Variants in OCIAD1 observed in about 807,000 individuals in gnomAD.
OCIAD1 encodes OCIA domain-containing protein 1.
OCIAD1 carries 29 observed loss-of-function variants against 38.9 expected under a neutral mutation model. The ratio of observed to expected loss-of-function variants is 0.74; its 90% CI spans 0.55 to 1.02. The LOEUF (loss-of-function observed/expected upper bound fraction) is 1.02, where lower values mean the gene tolerates loss of function less well. Ranked by LOEUF, OCIAD1 falls within the 50% of genes least tolerant of loss-of-function variation. The pLI is 0.00. For synonymous variants in OCIAD1, 110 were observed against 92.0 expected (o/e 1.20, Z -1.12); for missense variants, 288 against 289.6 (o/e 0.99, Z 0.04).
chr4:48,811,511 C>T (rs1777088529), intron 1 of OCIAD1, among the ~76,000 whole-genome samples: 1 of 152,196 alleles, frequency 6.6e-6, no homozygotes, highest in Admixed American at 6.5e-5. Flanking sequence ...AAGCAGGTAC[C>T]CATCTTAGGC....
At chr4:48,817,158 G>T (rs1221739011) in intron 1 of OCIAD1, among the ~76,000 whole-genome samples, 1 of 152,202 alleles carries the variant, frequency 6.6e-6, no homozygotes, top group Non-Finnish European at 1.5e-5. Context: ...GCAGTGTGGG[G>T]CGTTGCTTCA....
At chr4:48,805,985 C>T (rs569310127) in intron 1 of OCIAD1, among the ~76,000 whole-genome samples, 5 of 152,188 alleles carry the variant, frequency 3.3e-5, no homozygotes, top group Non-Finnish European at 5.9e-5. Context: ...AAAAACAGGC[C>T]GGGCATGGTG....
intron 1 of OCIAD1, among the ~76,000 whole-genome samples, chr4:48,809,106 C>T (rs963845969): frequency 6.6e-6 from 1 of 152,152 alleles, no homozygotes; most frequent in African/African-American, 2.4e-5. Flanking sequence ...TAGCTGTTTT[C>T]CTTTCCTTTA....
rs1381189214 is a variant in OCIAD1, at chr4:48,819,740, A to AAAAAAAAAAAAAAAG, written c.-102-10833_-102-10832insAAAAAAAAAAGAAAA. On this transcript the variant is annotated intron_variant, in intron 1 of 6. Transcript: ENST00000504654. ...GCAAAAAAAAAAAAAAAAAAAAAAAAAAAAGGAGGGGTTGCAATCCCAGTC... is the reference window on the plus strand; with the variant it reads ...GCAAAAAAAAAAAAAAAAAAAAAAAAAAAAAAAAAAAAAAGAAAAGGAGGGGTTGCAATCCCAGTC... Among the ~76,000 whole-genome samples the AAAAAAAAAAAAAAAG allele has an allele frequency of 5.9e-4, 86 of 145,546 alleles. 2 individuals carry two copies. Among genetic ancestry groups the AAAAAAAAAAAAAAAG allele is most frequent in the Non-Finnish European group, 1.1e-3 (72 of 65,862 alleles).
At chr4:48,833,614 G>A in intron 3 of OCIAD1, 133 bp downstream of exon 3, 1 of 589,578 alleles carries the variant, frequency 1.7e-6, no homozygotes, top group South Asian at 2.3e-5. Flanking sequence ...TGTGGTTGTT[G>A]TTAAAAGAGA....
chr4:48,813,156 A>G (rs574691601), intron 1 of OCIAD1, among the ~76,000 whole-genome samples: 2 of 152,368 alleles, frequency 1.3e-5, no homozygotes, highest in Non-Finnish European at 2.9e-5. Context: ...TTCCGATTGC[A>G]TCTTTCAAGA....
intron 7 of OCIAD1, among the ~76,000 whole-genome samples, chr4:48,855,647 T>A (rs1779967608): frequency 6.6e-6 from 1 of 152,064 alleles, no homozygotes; most frequent in South Asian, 2.1e-4. Flanking sequence ...CGAAACCCTG[T>A]CTCTACTAAA....
chr4:48,812,895 G>T (rs1777105199), intron 1 of OCIAD1, among the ~76,000 whole-genome samples: 1 of 152,186 alleles, frequency 6.6e-6, no homozygotes, highest in Non-Finnish European at 1.5e-5. Flanking sequence ...ACCAAGGATG[G>T]GAGACAGAAT....
At chr4:48,846,276 C>T (rs1428412372) in intron 4 of OCIAD1, among the ~76,000 whole-genome samples, 1 of 152,160 alleles carries the variant, frequency 6.6e-6, no homozygotes, top group Non-Finnish European at 1.5e-5. Context: ...AGGCTAAAGG[C>T]ACAGATTAGT....
intron 4 of OCIAD1, among the ~76,000 whole-genome samples, chr4:48,843,371 C>T (rs1442497846): frequency 6.6e-6 from 1 of 152,088 alleles, no homozygotes; most frequent in Non-Finnish European, 1.5e-5. Context: ...GAAGGTGTCC[C>T]AGAAAAGGAT....
Position 48,842,648 on chromosome 4 carries a change from C to A in OCIAD1, c.152C>A (p.Ala51Asp). The change falls in exon 4 of 9, where the codon GCT becomes GAT. Residue 51 changes from alanine (A) to aspartate (D), a missense_variant. Transcript: ENST00000264312. ...TTTCTTCCTATAGCTGTGCCTTTGG[C>A]TGCAACAAGTATGTTGATTACTCAA... ...ESFWFRSVPL[A>D]ATSMLITQGL... 6.4e-7 allele frequency: 1 copy of A among 1,571,642 alleles called. No individual in the cohort carries two copies. Among genetic ancestry groups the A allele is most frequent in the Non-Finnish European group, 8.6e-7 (1 of 1,159,950 alleles).
In OCIAD1 at chr4:48,836,000, G is replaced by A. The variant is rs540928902; in HGVS notation, c.139+2519G>A. 1.8e-3 allele frequency among the ~76,000 whole-genome samples: 274 copies of A among 152,302 alleles called. No individual in the cohort carries two copies. In the Middle Eastern group the frequency reaches 0.02, roughly 11 times the overall value. On this transcript the variant is annotated intron_variant, in intron 3 of 8. Transcript: ENST00000264312. ...GAACAGAGGTCTTTCATTGAGGATA[G>A]AACGTAAAACATAGTAATGAGTTAA...
chr4:48,834,911 C>A (rs1393879988), intron 3 of OCIAD1, among the ~76,000 whole-genome samples: 1 of 152,120 alleles, frequency 6.6e-6, no homozygotes, highest in South Asian at 2.1e-4. Flanking sequence ...CAGACTTTGT[C>A]CTGAATTAAT....
chr4:48,815,547 A>G (rs554916054), intron 1 of OCIAD1, among the ~76,000 whole-genome samples: 1 of 152,352 alleles, frequency 6.6e-6, no homozygotes, highest in African/African-American at 2.4e-5. Flanking sequence ...GAAGTGCTGC[A>G]GTTTGATAAA....
chr4:48,834,201 C>T (rs370748590), intron 3 of OCIAD1, among the ~76,000 whole-genome samples: 44 of 152,172 alleles, frequency 2.9e-4, no homozygotes, highest in African/African-American at 9.1e-4. Flanking sequence ...GATGGAGCTT[C>T]GCTCTTGTTG....
chr4:48,854,599 C>T (rs1296702304), intron 7 of OCIAD1, among the ~76,000 whole-genome samples: 2 of 152,156 alleles, frequency 1.3e-5, no homozygotes, highest in Non-Finnish European at 2.9e-5. Flanking sequence ...ACAAAAAGCC[C>T]TTTGGTATCT....
intron 1 of OCIAD1, among the ~76,000 whole-genome samples, chr4:48,806,752 C>T (rs1369046172): frequency 2.6e-5 from 4 of 151,876 alleles, no homozygotes; most frequent in Admixed American, 6.6e-5. Context: ...ACTACAGGTG[C>T]GTGCCACCAT....
chr4:48,853,888 G>A (rs1298910036), intron 7 of OCIAD1, among the ~76,000 whole-genome samples: 1 of 152,188 alleles, frequency 6.6e-6, no homozygotes, highest in Non-Finnish European at 1.5e-5. Context: ...TGGAAGTTCA[G>A]ATGATTAAAG....
intron 1 of OCIAD1, among the ~76,000 whole-genome samples, chr4:48,821,872 C>T (rs1033428751): frequency 6.6e-6 from 1 of 152,280 alleles, no homozygotes; most frequent in East Asian, 1.9e-4. Context: ...AAACTACAAA[C>T]CACTGCTCAA....
Sources: allele counts gnomAD v4.1 joint callset (sites outside exome capture counted in the v4.1 genomes callset), GRCh38; gene constraint gnomAD v4.1.1; transcripts MANE v1.5; gene names NCBI Gene and HGNC (gene_info 2026-07-23, HGNC 2026-07-21).